ZMIZ1: variants seen among roughly 807,000 people sequenced by gnomAD.
ZMIZ1 encodes zinc finger MIZ domain-containing protein 1.
Under a neutral mutation model 113.9 loss-of-function variants are expected in ZMIZ1, and 17 were observed. The observed-to-expected ratio is 0.15, with a 90% CI of 0.10 to 0.22. The LOEUF (loss-of-function observed/expected upper bound fraction) is 0.22, where lower values mean the gene tolerates loss of function less well. ZMIZ1 is among the 10% of genes least tolerant of loss of function. The probability of loss-of-function intolerance (pLI) is 1.00; values close to 1 mark genes in which losing one functional copy is unlikely to be tolerated. For missense variants in ZMIZ1, 1,059 were observed against 1,477.8 expected (o/e 0.72, Z 4.65); for synonymous variants, 607 against 603.1 (o/e 1.01, Z -0.09).
chr10:79,294,959 G>T (rs1853783541), intron 12 of ZMIZ1: 1 of 149,658 alleles, frequency 6.7e-6, no homozygotes, highest in Non-Finnish European at 1.5e-5. Context: ...GGGGTCAGGG[G>T]CTTCCTCATG....
chr10:79,265,012 TGGGTGAGGCATGGCCAAACC>T (rs1161146103), intron 7 of ZMIZ1, among the ~76,000 whole-genome samples: 1 of 152,100 alleles, frequency 6.6e-6, no homozygotes. Flanking sequence ...CAGCCTCCAC[TGGGTGAGGCATGGCCAAACC>T]GGTTTGGGAA....
At position 79,286,186 on chromosome 10, in the gene ZMIZ1, G is replaced by C. The variant is rs142318596; in HGVS notation, c.426-3589G>C. The stretch of plus-strand genomic sequence containing the variant: ...GTCTGCAGGTTAAACTGTGCTCGTC[G>C]GAGAGAAGAAGGGCTCTCAGGCACC... On this transcript the variant is annotated intron_variant, in intron 8 of 24. Coordinates refer to ENST00000334512, the MANE Select transcript of ZMIZ1 (RefSeq NM_020338.4). 6.6e-5 allele frequency among the ~76,000 whole-genome samples: 10 copies of C among 152,346 alleles called. No individual in the cohort carries two copies. In the East Asian group the frequency reaches 1.9e-3, roughly 29 times the overall value.
chr10:79,287,626 G>C (rs1250563), intron 8 of ZMIZ1, among the ~76,000 whole-genome samples: 36,978 of 152,214 alleles, frequency 0.24, 5,598 homozygotes, highest in East Asian at 0.36. Flanking sequence ...ATAAAACCAA[G>C]ACAGAAGCTC....
chr10:79,121,283 G>C (rs1440507825), intron 2 of ZMIZ1, among the ~76,000 whole-genome samples: 2 of 152,204 alleles, frequency 1.3e-5, no homozygotes, highest in African/African-American at 2.4e-5. Flanking sequence ...AGCACAGCCA[G>C]AATTGGGTGC....
intron 7 of ZMIZ1, among the ~76,000 whole-genome samples, chr10:79,218,584 G>GGAGTGTGT (rs1554818328): frequency 6.8e-6 from 1 of 147,792 alleles, no homozygotes; most frequent in African/African-American, 2.6e-5. Flanking sequence ...TAATTAGAGG[G>GGAGTGTGT]GTGTGTGTGT....
intron 8 of ZMIZ1, among the ~76,000 whole-genome samples, chr10:79,280,471 C>T (rs559189488): frequency 2.0e-5 from 3 of 150,038 alleles, no homozygotes; most frequent in South Asian, 2.1e-4. Flanking sequence ...GATAGGGTCT[C>T]GCTATGTTGC....
At chr10:79,179,092 C>T (rs1209503104) in intron 4 of ZMIZ1, among the ~76,000 whole-genome samples, 1 of 152,186 alleles carries the variant, frequency 6.6e-6, no homozygotes, top group Non-Finnish European at 1.5e-5. Context: ...GTGCTGCAGG[C>T]CAGGAACCCA....
chr10:79,085,756 A>C (rs1003489737), intron 1 of ZMIZ1, among the ~76,000 whole-genome samples: 1 of 151,916 alleles, frequency 6.6e-6, no homozygotes, highest in Non-Finnish European at 1.5e-5. Flanking sequence ...TCAGAATGAG[A>C]CTCTTATTCT....
chr10:79,196,135 A>T (rs1036263795), intron 4 of ZMIZ1, among the ~76,000 whole-genome samples: 2 of 152,184 alleles, frequency 1.3e-5, no homozygotes, highest in African/African-American at 2.4e-5. Context: ...TAGTAACCGC[A>T]GTTCTCCATC....
chr10:79,130,409 C>T (rs1426270825), intron 2 of ZMIZ1, among the ~76,000 whole-genome samples: 2 of 152,218 alleles, frequency 1.3e-5, no homozygotes. Flanking sequence ...AACACTCCAA[C>T]CCTACCCAGT....
intron 1 of ZMIZ1, among the ~76,000 whole-genome samples, chr10:79,102,327 T>C (rs1241502437): frequency 2.0e-5 from 3 of 152,272 alleles, no homozygotes; most frequent in African/African-American, 7.2e-5. Flanking sequence ...TTCAGAGGGC[T>C]GTGGGCGCAG....
Position 79,314,675 on chromosome 10 carries a change from G to A in ZMIZ1, c.*1926G>A, listed in dbSNP as rs1271886322. The A allele has an allele frequency of 2.4e-5, 4 of 164,686 alleles. No homozygotes were observed. The highest frequency in any genetic ancestry group is 7.8e-5 in the African/African-American group (3 of 38,452). The allele number at this position is 164,686 out of a possible 1,614,324, so 10.2% of individuals were successfully genotyped here. The stretch of plus-strand genomic sequence containing the variant: ...ACCTGGACTCAATGACAAAGACCGA[G>A]TCTTCTTTTTTTTTAAACAAAAACA... On this transcript the variant is annotated 3_prime_UTR_variant, in exon 25 of 25. Transcript: ENST00000334512.
intron 8 of ZMIZ1, among the ~76,000 whole-genome samples, chr10:79,284,076 C>A (rs1316498725): frequency 6.6e-6 from 1 of 152,216 alleles, no homozygotes; most frequent in Admixed American, 6.5e-5. Context: ...CAGCCCTCCC[C>A]CCGCGTTCCT....
intron 1 of ZMIZ1, among the ~76,000 whole-genome samples, chr10:79,111,546 G>C (rs1843740052): frequency 6.6e-6 from 1 of 152,120 alleles, no homozygotes; most frequent in Non-Finnish European, 1.5e-5. Context: ...TGGGTGACGG[G>C]GGAGGCGCAC....
chr10:79,310,580 G>A (rs1701031410), intron 23 of ZMIZ1, among the ~76,000 whole-genome samples: 2 of 151,990 alleles, frequency 1.3e-5, no homozygotes, highest in Admixed American at 6.6e-5. Flanking sequence ...TCTCCATCCT[G>A]CCCTCGCTGT....
chr10:79,175,960 T>A (rs945886288), intron 4 of ZMIZ1, among the ~76,000 whole-genome samples: 8 of 151,952 alleles, frequency 5.3e-5, no homozygotes, highest in Non-Finnish European at 1.0e-4. Context: ...AGTTTGTGAA[T>A]AAAACAAACA....
chr10:79,165,636 C>T (rs2132508558), intron 4 of ZMIZ1, among the ~76,000 whole-genome samples: 1 of 152,354 alleles, frequency 6.6e-6, no homozygotes, highest in South Asian at 2.1e-4. Flanking sequence ...CTGGGGGGCC[C>T]TGACCACAGT....
intron 4 of ZMIZ1, among the ~76,000 whole-genome samples, chr10:79,199,273 C>A (rs535815155): frequency 6.6e-6 from 1 of 152,060 alleles, no homozygotes; most frequent in South Asian, 2.1e-4. Flanking sequence ...TTTGGGAGGC[C>A]GAGGCAGGGG....
At chr10:79,220,296 G>C (rs1564532819) in intron 7 of ZMIZ1, among the ~76,000 whole-genome samples, 1 of 152,220 alleles carries the variant, frequency 6.6e-6, no homozygotes, top group African/African-American at 2.4e-5. Context: ...CTGCTTCCAT[G>C]TGTCTGTCTC....
Sources: allele counts gnomAD v4.1 joint callset (sites outside exome capture counted in the v4.1 genomes callset), GRCh38; gene constraint gnomAD v4.1.1; transcripts MANE v1.5; gene names NCBI Gene and HGNC (gene_info 2026-07-23, HGNC 2026-07-21).